PRRC2B: variants seen among roughly 807,000 people sequenced by gnomAD.
PRRC2B encodes proline rich coiled-coil 2B, also known as protein PRRC2B.
A neutral mutation model predicts 242.3 loss-of-function variants in PRRC2B; 68 were observed. That is an observed-to-expected ratio of 0.28 (90% CI 0.23 to 0.34). The LOEUF is 0.34. Among genes scored for constraint, PRRC2B ranks in the 10% least tolerant of loss-of-function variants. The pLI is 1.00. For synonymous variants in PRRC2B, 1,228 were observed against 1,173.6 expected (o/e 1.05, Z -0.95); for missense variants, 2,835 against 2,954.8 (o/e 0.96, Z 0.94).
intron 1 of PRRC2B, among the ~76,000 whole-genome samples, chr9:131,415,143 G>T (rs534156607): frequency 6.6e-6 from 1 of 152,004 alleles, no homozygotes; most frequent in East Asian, 1.9e-4. Context: ...ACAGGTGTGC[G>T]CCATCACGCC....
upstream of PRRC2B, among the ~76,000 whole-genome samples, chr9:131,393,729 C>T (rs1408983819): frequency 6.6e-6 from 1 of 151,730 alleles, no homozygotes; most frequent in Non-Finnish European, 1.5e-5. Flanking sequence ...CGCCCTTCCC[C>T]CGGGCCCAGG....
chr9:131,418,277 G>A (rs576040369), intron 1 of PRRC2B, among the ~76,000 whole-genome samples: 1 of 152,224 alleles, frequency 6.6e-6, no homozygotes, highest in East Asian at 1.9e-4. Context: ...TTGGCCCCTG[G>A]CCCCCTCTTC....
chr9:131,430,849 T>G (rs565149910), intron 2 of PRRC2B, among the ~76,000 whole-genome samples: 1 of 152,038 alleles, frequency 6.6e-6, no homozygotes, highest in South Asian at 2.1e-4. Context: ...CGCCTCGGCC[T>G]CCCAAAGTGC....
intron 28 of PRRC2B, chr9:131,490,523 C>T: frequency 1.9e-6 from 1 of 519,198 alleles, no homozygotes. Flanking sequence ...TTCTGACCCT[C>T]CACTGTGGAC....
At chr9:131,458,565 C>T (rs555423168) in intron 10 of PRRC2B, among the ~76,000 whole-genome samples, 2 of 151,904 alleles carry the variant, frequency 1.3e-5, no homozygotes, top group Non-Finnish European at 2.9e-5. Context: ...AGTGTAGTGC[C>T]GCGATTTTGG....
chr9:131,452,728 G>A (rs1039974037), intron 9 of PRRC2B, among the ~76,000 whole-genome samples: 1 of 152,052 alleles, frequency 6.6e-6, no homozygotes, highest in African/African-American at 2.4e-5. Context: ...AATCATTGAG[G>A]CAATTTTTTA....
At chr9:131,485,876 CT>C (rs2131469922) in intron 25 of PRRC2B, 1 of 721,358 alleles carries the variant, frequency 1.4e-6, no homozygotes, top group Non-Finnish European at 2.5e-6. Flanking sequence ...ACGCTGCACC[CT>C]CCCTACGTTC....
chr9:131,416,928 T>C lies in PRRC2B; in HGVS notation c.-51-13166T>C, dbSNP rs898017513. On this transcript the variant is annotated intron_variant, in intron 1 of 31. Coordinates refer to ENST00000683519, the MANE Select transcript of PRRC2B (RefSeq NM_013318.4). The stretch of plus-strand genomic sequence containing the variant: ...ATCTTCTCTTGATTTTATGAGGATA[T>C]TAATTTTATAATACATATTTTTAAT... Among the ~76,000 whole-genome samples, 3 of 152,192 alleles carry C rather than the reference T, an allele frequency of 2.0e-5. No homozygotes were observed. The South Asian group carries it at 6.2e-4, about 32-fold the overall frequency.
Position 131,495,970 on chromosome 9 carries a change from G to A in PRRC2B, c.*96G>A, listed in dbSNP as rs144286343. ...ACTCGGGAGCCTCACCAGATCCACC[G>A]TCCAAATGCGTGGCCCAGACTGAGA... On this transcript the variant is annotated 3_prime_UTR_variant, in exon 32 of 32. Transcript: ENST00000683519. 7.0e-5 allele frequency: 105 copies of A among 1,506,408 alleles called. No homozygotes were observed. Among genetic ancestry groups the A allele is most frequent in the African/African-American group, 6.9e-4 (50 of 72,924 alleles). 93.3% of individuals were successfully genotyped at this position (1,506,408 alleles called of 1,614,324 possible).
At chr9:131,397,968 G>A (rs1837115084) in intron 1 of PRRC2B, among the ~76,000 whole-genome samples, 1 of 152,256 alleles carries the variant, frequency 6.6e-6, no homozygotes, top group South Asian at 2.1e-4. Flanking sequence ...ATCATAACTT[G>A]ATCTCTTTTT....
chr9:131,411,279 G>T (rs545905183), intron 1 of PRRC2B, among the ~76,000 whole-genome samples: 9 of 151,974 alleles, frequency 5.9e-5, no homozygotes, highest in East Asian at 5.8e-4. Flanking sequence ...GCTTTGTTAT[G>T]CAGTGTTCTG....
At chr9:131,393,667 C>G (rs1460566668), upstream of PRRC2B, among the ~76,000 whole-genome samples, 1 of 152,184 alleles carries the variant, frequency 6.6e-6, no homozygotes, top group Non-Finnish European at 1.5e-5. Flanking sequence ...GGCGGAGATC[C>G]GGGCTCGCTC....
intron 29 of PRRC2B, 127 bp downstream of exon 29, chr9:131,491,707 AG>A (rs1316468692): frequency 4.4e-6 from 4 of 917,578 alleles, no homozygotes; most frequent in Non-Finnish European, 6.4e-6. Context: ...GCAGAAAGGA[AG>A]GTGACCATGT....
intron 1 of PRRC2B, among the ~76,000 whole-genome samples, chr9:131,402,056 A>G (rs910236513): frequency 4.7e-5 from 7 of 148,488 alleles, no homozygotes; most frequent in Admixed American, 6.7e-5. Flanking sequence ...CTGCACCTCT[A>G]CCTCCCGGGT....
At chr9:131,454,357 CTG>C (rs1943009885) in intron 9 of PRRC2B, among the ~76,000 whole-genome samples, 1 of 152,216 alleles carries the variant, frequency 6.6e-6, no homozygotes, top group Non-Finnish European at 1.5e-5. Flanking sequence ...AGTCAAGCTT[CTG>C]TATTCTAAGG....
chr9:131,490,714 C>A, intron 28 of PRRC2B: 1 of 422,856 alleles, frequency 2.4e-6, no homozygotes, highest in Non-Finnish European at 4.7e-6. Context: ...TTCAAAGGAC[C>A]CCCACAGTCT....
chr9:131,450,951 T>G (rs1247141293), intron 9 of PRRC2B, among the ~76,000 whole-genome samples: 1 of 152,234 alleles, frequency 6.6e-6, no homozygotes, highest in African/African-American at 2.4e-5. Context: ...TTCATTTCTC[T>G]CAGCAGTGTC....
upstream of PRRC2B, chr9:131,394,040 G>A (rs1187703971): frequency 6.7e-6 from 1 of 150,176 alleles, no homozygotes; most frequent in Non-Finnish European, 1.5e-5. Flanking sequence ...AGGCGGGGGC[G>A]GCGGCAGGCG....
At chr9:131,445,669 C>T (rs556137083) in intron 6 of PRRC2B, among the ~76,000 whole-genome samples, 4 of 152,312 alleles carry the variant, frequency 2.6e-5, no homozygotes, top group East Asian at 1.9e-4. Flanking sequence ...TGGGATCAGA[C>T]ATGTCCTGGG....
Sources: allele counts gnomAD v4.1 joint callset (sites outside exome capture counted in the v4.1 genomes callset), GRCh38; gene constraint gnomAD v4.1.1; transcripts MANE v1.5; gene names NCBI Gene and HGNC (gene_info 2026-07-23, HGNC 2026-07-21).